The following FOXP2 variants were observed in gnomAD, a reference collection of about 807,000 sequenced individuals.
FOXP2 encodes forkhead box P2, also known as forkhead box protein P2.
Under a neutral mutation model 115.8 loss-of-function variants are expected in FOXP2, and 12 were observed. The ratio of observed to expected loss-of-function variants is 0.10; its 90% CI spans 0.07 to 0.17. The LOEUF (loss-of-function observed/expected upper bound fraction) is 0.17, where lower values mean the gene tolerates loss of function less well. FOXP2 is among the 10% of genes least tolerant of loss of function. The pLI, the probability that FOXP2 is intolerant of heterozygous loss-of-function variation, is 1.00. For synonymous variants in FOXP2, 328 were observed against 297.7 expected, an observed-to-expected ratio of 1.10 and a Z score of -1.05; for missense variants, 629 against 843.5, an observed-to-expected ratio of 0.75 and a Z score of 3.15.
intron 3 of FOXP2, among the ~76,000 whole-genome samples, chr7:114,537,300 G>A (rs900485746): frequency 6.6e-6 from 1 of 151,512 alleles, no homozygotes; most frequent in Non-Finnish European, 1.5e-5. Flanking sequence ...GTAGGTGCAA[G>A]GCAAGATATT....
chr7:114,691,126 A>G lies in FOXP2; in HGVS notation c.*1200A>G, dbSNP rs1173555745. ...TACTTGATGCAAATGCAGATTGCAT[A>G]TTGTTATATATATAGTACTTTGTGT... On this transcript the variant is annotated 3_prime_UTR_variant, in exon 17 of 17. Coordinates refer to ENST00000350908, the MANE Select transcript of FOXP2 (RefSeq NM_014491.4). The G allele has an allele frequency of 2.2e-6, 1 of 454,068 alleles. No individual in the cohort carries two copies. The highest frequency in any genetic ancestry group is 1.6e-5 in the South Asian group (1 of 64,470). 28.1% of individuals were successfully genotyped at this position (454,068 alleles called of 1,614,324 possible).
chr7:114,335,742 T>A (rs957240832), intron 2 of FOXP2, among the ~76,000 whole-genome samples: 3 of 151,852 alleles, frequency 2.0e-5, no homozygotes, highest in Non-Finnish European at 4.4e-5. Flanking sequence ...GAAATGTAAA[T>A]GTTAAATGGT....
At chr7:114,351,489 C>A (rs930495852) in intron 2 of FOXP2, among the ~76,000 whole-genome samples, 1 of 152,000 alleles carries the variant, frequency 6.6e-6, no homozygotes, top group Admixed American at 6.6e-5. Context: ...ACAACTCAAT[C>A]CAAATTTAGT....
At chr7:114,450,510 G>A (rs1472479783) in intron 2 of FOXP2, among the ~76,000 whole-genome samples, 1 of 152,026 alleles carries the variant, frequency 6.6e-6, no homozygotes, top group Non-Finnish European at 1.5e-5. Flanking sequence ...CAGCATTGTG[G>A]TATTCTTTAG....
intron 1 of FOXP2, among the ~76,000 whole-genome samples, chr7:114,196,808 C>T (rs761486838): frequency 7.1e-4 from 108 of 152,252 alleles, no homozygotes; most frequent in Middle Eastern, 3.4e-3. Context: ...CATTTAAAGA[C>T]CTTCCCATTT....
upstream of FOXP2, among the ~76,000 whole-genome samples, chr7:114,412,933 T>TA (rs930192257): frequency 6.6e-6 from 1 of 152,252 alleles, no homozygotes; most frequent in East Asian, 1.9e-4. Context: ...ATATTTTACT[T>TA]AAAAAAATGA....
At chr7:114,431,496 T>C (rs1232590551) in intron 2 of FOXP2, among the ~76,000 whole-genome samples, 2 of 151,966 alleles carry the variant, frequency 1.3e-5, no homozygotes, top group African/African-American at 4.8e-5. Flanking sequence ...AGTAGGTACC[T>C]GCAAATTAAG....
At chr7:114,213,403 A>T (rs1326220965) in intron 1 of FOXP2, among the ~76,000 whole-genome samples, 4 of 152,186 alleles carry the variant, frequency 2.6e-5, no homozygotes, top group African/African-American at 7.2e-5. Context: ...TTCAGTTTGT[A>T]AGCATCTGAA....
At chr7:114,237,038 T>G (rs1357434683) in intron 1 of FOXP2, among the ~76,000 whole-genome samples, 1 of 152,156 alleles carries the variant, frequency 6.6e-6, no homozygotes, top group African/African-American at 2.4e-5. Flanking sequence ...TCTCTTGTAT[T>G]TGTGTGTATA....
At chr7:114,311,532 C>A (rs1797146976) in intron 2 of FOXP2, among the ~76,000 whole-genome samples, 1 of 152,038 alleles carries the variant, frequency 6.6e-6, no homozygotes, top group Admixed American at 6.5e-5. Context: ...CCCAAGAGTC[C>A]CCCAGTGCAA....
intron 2 of FOXP2, among the ~76,000 whole-genome samples, chr7:114,486,719 A>G (rs1288350086): frequency 1.3e-5 from 2 of 152,234 alleles, no homozygotes; most frequent in African/African-American, 4.8e-5. Flanking sequence ...GAAATTGGCC[A>G]AAATGAAGCC....
At chr7:114,641,553 A>G (rs1805528150) in intron 6 of FOXP2, among the ~76,000 whole-genome samples, 1 of 152,126 alleles carries the variant, frequency 6.6e-6, no homozygotes, top group South Asian at 2.1e-4. Context: ...CATCCCTCTG[A>G]GAAATATCAA....
intron 2 of FOXP2, among the ~76,000 whole-genome samples, chr7:114,516,039 C>T (rs1267064865): frequency 6.6e-6 from 1 of 152,114 alleles, no homozygotes; most frequent in African/African-American, 2.4e-5. Context: ...TGACTTTCTT[C>T]ACAGAATTGG....
intron 2 of FOXP2, among the ~76,000 whole-genome samples, chr7:114,464,545 A>G (rs1795722546): frequency 6.6e-6 from 1 of 152,232 alleles, no homozygotes; most frequent in Non-Finnish European, 1.5e-5. Context: ...GTAGTTGGGT[A>G]GATCATAATT....
chr7:114,587,902 A>G (rs995077542), intron 3 of FOXP2, among the ~76,000 whole-genome samples: 1 of 88,064 alleles, frequency 1.1e-5, no homozygotes, highest in African/African-American at 4.1e-5. Flanking sequence ...TTAGTGCCTT[A>G]TTAATGATTC....
At chr7:114,233,249 A>T (rs1005163489) in intron 1 of FOXP2, among the ~76,000 whole-genome samples, 1 of 152,228 alleles carries the variant, frequency 6.6e-6, no homozygotes, top group Admixed American at 6.5e-5. Flanking sequence ...CATGTACAAA[A>T]GGAGTGTTTA....
intron 6 of FOXP2, among the ~76,000 whole-genome samples, chr7:114,634,961 T>G (rs943037381): frequency 6.6e-6 from 1 of 152,142 alleles, no homozygotes; most frequent in Non-Finnish European, 1.5e-5. Context: ...TTTTACATAT[T>G]TTTTAATTTA....
At chr7:114,584,068 T>A (rs984381020) in intron 3 of FOXP2, among the ~76,000 whole-genome samples, 6 of 152,156 alleles carry the variant, frequency 3.9e-5, no homozygotes, top group Non-Finnish European at 8.8e-5. Flanking sequence ...CTATTTTTTT[T>A]ATTGAGGAAA....
At chr7:114,414,638 A>G (rs1367750207), upstream of FOXP2, 2 of 163,608 alleles carry the variant, frequency 1.2e-5, no homozygotes, top group Non-Finnish European at 2.7e-5. Flanking sequence ...ATGTGCATTG[A>G]AGATTATTTC....
Sources: allele counts gnomAD v4.1 joint callset (sites outside exome capture counted in the v4.1 genomes callset), GRCh38; gene constraint gnomAD v4.1.1; transcripts MANE v1.5; gene names NCBI Gene and HGNC (gene_info 2026-07-23, HGNC 2026-07-21).